ACTG2: variants seen among roughly 807,000 people sequenced by gnomAD.
ACTG2 encodes the protein actin, gamma-enteric smooth muscle.
Under a neutral mutation model 37.6 loss-of-function variants are expected in ACTG2, and 16 were observed. The ratio of observed to expected loss-of-function variants is 0.43; its 90% CI spans 0.29 to 0.65. ACTG2 has a LOEUF of 0.65. Among genes scored for constraint, ACTG2 ranks in the 30% least tolerant of loss-of-function variants. The pLI is 0.18. For missense variants in ACTG2, 238 were observed against 490.9 expected (o/e 0.48, Z 4.87); for synonymous variants, 181 against 179.9 (o/e 1.01, Z -0.05).
chr2:73,894,151 T>C (rs72814192), intron 1 of ACTG2, among the ~76,000 whole-genome samples: 24,430 of 152,108 alleles, frequency 0.16, 2,135 homozygotes, highest in East Asian at 0.35. Context: ...AAAACACAGA[T>C]TGCCCCATGC....
intron 2 of ACTG2, among the ~76,000 whole-genome samples, chr2:73,902,018 C>CAT (rs1553394917): frequency 1.4e-5 from 2 of 146,342 alleles, no homozygotes; most frequent in African/African-American, 5.1e-5. Context: ...GCATACAAGT[C>CAT]GTGTGTGTGT....
At chr2:73,899,254 G>A (rs1679824646) in intron 1 of ACTG2, among the ~76,000 whole-genome samples, 1 of 152,102 alleles carries the variant, frequency 6.6e-6, no homozygotes, top group Admixed American at 6.6e-5. Flanking sequence ...CTTGAACCCA[G>A]GAGTTCAGAC....
intron 3 of ACTG2, among the ~76,000 whole-genome samples, chr2:73,907,826 G>A (rs930348190): frequency 9.2e-5 from 14 of 152,070 alleles, no homozygotes; most frequent in Non-Finnish European, 1.6e-4. Context: ...GATACTGGTC[G>A]GCCCTCCACA....
intron 5 of ACTG2, 38 bp downstream of exon 5, chr2:73,909,177 G>A (rs780620043): frequency 6.4e-7 from 1 of 1,571,088 alleles, no homozygotes; most frequent in Non-Finnish European, 8.8e-7. Flanking sequence ...TCTGACTTCA[G>A]GGGAGGTAGG....
At chr2:73,904,297 A>T (rs532986532) in intron 3 of ACTG2, among the ~76,000 whole-genome samples, 1 of 151,534 alleles carries the variant, frequency 6.6e-6, no homozygotes, top group East Asian at 1.9e-4. Flanking sequence ...AAGAAAACAT[A>T]ATAGACAAAT....
intron 1 of ACTG2, among the ~76,000 whole-genome samples, chr2:73,898,959 T>A (rs747484938): frequency 2.0e-5 from 3 of 151,668 alleles, no homozygotes; most frequent in Non-Finnish European, 4.4e-5. Context: ...CCCGCCACCA[T>A]GCCTGGGTAA....
At chr2:73,904,777 G>GTGTATATATATATATATATA (rs1427483105) in intron 3 of ACTG2, among the ~76,000 whole-genome samples, 1 of 42,606 alleles carries the variant, frequency 2.3e-5, no homozygotes, top group Admixed American at 3.4e-4. Flanking sequence ...GTGTGTGTGT[G>GTGTATATATATATATATATA]TATATATATA....
At chr2:73,904,761 GTGTGTGTGTGTGTGTGTATATATA>G (rs1679975026) in intron 3 of ACTG2, among the ~76,000 whole-genome samples, 1 of 56,640 alleles carries the variant, frequency 1.8e-5, no homozygotes, top group Non-Finnish European at 3.1e-5. Flanking sequence ...GTGTGTGTGT[GTGTGTGTGTGTGTGTGTATATATA>G]TATATATATA....
intron 1 of ACTG2, among the ~76,000 whole-genome samples, chr2:73,894,413 A>G (rs571872904): frequency 3.8e-4 from 58 of 152,318 alleles, no homozygotes; most frequent in African/African-American, 1.4e-3. Flanking sequence ...AAGATCCTAC[A>G]TGCCAGGCCT....
intron 1 of ACTG2, chr2:73,896,897 G>T (rs1679758665): frequency 1.3e-5 from 2 of 152,230 alleles, no homozygotes; most frequent in African/African-American, 4.8e-5. Context: ...TTTGACTCTG[G>T]TTCAGCTGAC....
chr2:73,916,858 C>T, intron 8 of ACTG2, 93 bp downstream of exon 8: 4 of 1,424,992 alleles, frequency 2.8e-6, no homozygotes, highest in Non-Finnish European at 1.9e-6. Context: ...GACCTGATAA[C>T]TTGCTGGTCT....
At chr2:73,913,893 G>A (rs976792640) in intron 6 of ACTG2, among the ~76,000 whole-genome samples, 1 of 152,186 alleles carries the variant, frequency 6.6e-6, no homozygotes, top group Non-Finnish European at 1.5e-5. Context: ...GTTTCCACAG[G>A]CTGAATGGTA....
rs1226241084 is a variant in ACTG2 at position 73,904,763 on chromosome 2, GTGTGTGTGTGTGTGTATATATATA to G, written c.255+2277_255+2300del. 1.8e-3 allele frequency among the ~76,000 whole-genome samples: 107 copies of G among 58,350 alleles called. 1 individual carries two copies. Among genetic ancestry groups the G allele is most frequent in the South Asian group, 6.1e-3 (11 of 1,806 alleles). The allele number at this position is 58,350 out of a possible 152,430, so 38.3% of individuals were successfully genotyped here. On this transcript the variant is annotated intron_variant, in intron 3 of 8. Transcript: ENST00000345517. ...ATTGTGTGTGTGTGTGTGTGTGTGTGTGTGTGTGTGTGTGTATATATATATATATATATATATATATATATATAT... is the reference window on the plus strand; with the variant it reads ...ATTGTGTGTGTGTGTGTGTGTGTGTGTATATATATATATATATATATATAT...
At chr2:73,907,604 C>T (rs952791659) in intron 3 of ACTG2, among the ~76,000 whole-genome samples, 6 of 152,174 alleles carry the variant, frequency 3.9e-5, no homozygotes, top group African/African-American at 1.4e-4. Flanking sequence ...GCCCCAGCCT[C>T]CTGAGTAGCT....
Position 73,902,053 on chromosome 2 carries a change from G to C in ACTG2, c.127-307G>C, listed in dbSNP as rs542109962. Among the ~76,000 whole-genome samples, 4 of 151,404 alleles carry C rather than the reference G, an allele frequency of 2.6e-5. No individual in the cohort carries two copies. The South Asian group carries it at 8.4e-4, about 32-fold the overall frequency. On this transcript the variant is annotated intron_variant, in intron 2 of 8. Coordinates refer to ENST00000345517, the MANE Select transcript of ACTG2 (RefSeq NM_001615.4). ...TGTGTGTGTGTGTCTGTGTGTGTGT[G>C]TGTGTGTGTCTGTGTGTAGTAGGAT...
At position 73,913,554 on chromosome 2, in the gene ACTG2, A is replaced by T. The variant is rs1268956866; in HGVS notation, c.521A>T (p.His174Leu). ...ATCTATGAAGGCTATGCCCTGCCCC[A>T]TGCCATCATGCGCCTGGACTTGGCT... Reference protein sequence around the residue: ...VPIYEGYALPHAIMRLDLAGR... With the variant: ...VPIYEGYALPLAIMRLDLAGR... The change falls in exon 6 of 9, where the codon CAT becomes CTT. Residue 174 changes from histidine (H) to leucine (L), a missense_variant. By Grantham distance (99) the His-to-Leu change is moderately conservative. Coordinates refer to ENST00000345517, the MANE Select transcript of ACTG2 (RefSeq NM_001615.4). 2.5e-6 allele frequency: 4 copies of T among 1,614,024 alleles called. No homozygotes were observed. Among genetic ancestry groups the T allele is most frequent in the Non-Finnish European group, 3.4e-6 (4 of 1,179,928 alleles).
intron 3 of ACTG2, chr2:73,903,026 T>C (rs551974061): frequency 1.2e-5 from 4 of 335,172 alleles, no homozygotes; most frequent in African/African-American, 4.2e-5. Context: ...GATGCTAGAC[T>C]ATGATGATGA....
intron 5 of ACTG2, among the ~76,000 whole-genome samples, chr2:73,911,987 C>T (rs148268734): frequency 2.1e-4 from 32 of 152,304 alleles, no homozygotes; most frequent in African/African-American, 7.2e-4. Context: ...AACATGGTAC[C>T]AGGCCATGGG....
At chr2:73,906,158 A>G (rs943915694) in intron 3 of ACTG2, among the ~76,000 whole-genome samples, 1 of 151,864 alleles carries the variant, frequency 6.6e-6, no homozygotes, top group Admixed American at 6.6e-5. Flanking sequence ...TTATTCCATT[A>G]AAAAAAATTT....
Sources: gnomAD v4.1 joint callset for allele counts (sites outside exome capture counted in the v4.1 genomes callset) on GRCh38, gnomAD v4.1.1 for gene constraint, MANE v1.5 for transcripts, NCBI Gene and HGNC (gene_info 2026-07-23, HGNC 2026-07-21) for gene names.